Variants in PTPRO observed in about 807,000 individuals in gnomAD.
PTPRO encodes protein tyrosine phosphatase receptor type O, also known as receptor-type tyrosine-protein phosphatase O.
In PTPRO, 62 loss-of-function variants were observed where a neutral mutation model predicts 145.2. The ratio of observed to expected loss-of-function variants is 0.43; its 90% CI spans 0.35 to 0.53. PTPRO has a LOEUF of 0.53. Ranked by LOEUF, PTPRO falls within the 20% of genes least tolerant of loss-of-function variation. The pLI, the probability that PTPRO is intolerant of heterozygous loss-of-function variation, is 0.01. For synonymous variants in PTPRO, 565 were observed against 514.7 expected, an observed-to-expected ratio of 1.10 and a Z score of -1.32; for missense variants, 1,345 against 1,482.7, an observed-to-expected ratio of 0.91 and a Z score of 1.53.
At chr12:15,353,075 T>C (rs1278474580) in intron 1 of PTPRO, among the ~76,000 whole-genome samples, 1 of 152,196 alleles carries the variant, frequency 6.6e-6, no homozygotes, top group African/African-American at 2.4e-5. Context: ...TACCAGTGAG[T>C]GTTTCCTCAC....
At chr12:15,402,741 A>G (rs1039201470) in intron 1 of PTPRO, among the ~76,000 whole-genome samples, 1 of 152,226 alleles carries the variant, frequency 6.6e-6, no homozygotes, top group African/African-American at 2.4e-5. Context: ...AAGCAGTACT[A>G]TAATGCTTTA....
intron 1 of PTPRO, among the ~76,000 whole-genome samples, chr12:15,374,041 A>G (rs985714883): frequency 6.6e-6 from 1 of 152,232 alleles, no homozygotes; most frequent in Non-Finnish European, 1.5e-5. Flanking sequence ...AACATGCCTA[A>G]TAAGTAGAGA....
rs568208532 is a variant in PTPRO at position 15,571,808 on chromosome 12, G to A, written c.2829+2310G>A. Among the ~76,000 whole-genome samples, 4 of 152,284 alleles carry A rather than the reference G, an allele frequency of 2.6e-5. No individual in the cohort carries two copies. In the South Asian group the frequency reaches 6.2e-4, roughly 24 times the overall value. On this transcript the variant is annotated intron_variant, in intron 19 of 26. Coordinates refer to ENST00000281171, the MANE Select transcript of PTPRO (RefSeq NM_030667.3). Reference sequence around the variant, plus strand: ...AGAATCTCTAAATGGAACCATGTGGGCTCAAGTAGCAAAACCTAAGAAGGG... The same window carrying A: ...AGAATCTCTAAATGGAACCATGTGGACTCAAGTAGCAAAACCTAAGAAGGG...
chr12:15,582,918 G>C (rs1358867779), intron 23 of PTPRO, among the ~76,000 whole-genome samples: 1 of 152,158 alleles, frequency 6.6e-6, no homozygotes, highest in African/African-American at 2.4e-5. Flanking sequence ...TCTGTGACAG[G>C]CTTAGGTGTT....
rs1330519659 is a variant in PTPRO, at chr12:15,581,760, G to A, written c.3214G>A (p.Glu1072Lys). 1.2e-6 allele frequency: 2 copies of A among 1,614,060 alleles called. No individual in the cohort carries two copies. The highest frequency in any genetic ancestry group is 2.2e-5 in the East Asian group (1 of 44,842). ...DITVEMISEEEQDDWACRHFR... is the reference protein window; with the variant it reads ...DITVEMISEEKQDDWACRHFR... ...CACTGTGGAGATGATTTCAGAGGAA[G>A]AGCAGGACGACTGGGCCTGTAGACA... The change falls in exon 23 of 27, where the codon GAG becomes AAG. Residue 1072 changes from glutamate to lysine, a missense_variant. This residue lies in a region of PTPRO where 208 missense variants were observed against 242.8 expected (regional missense o/e 0.86). Coordinates refer to ENST00000281171, the MANE Select transcript of PTPRO (RefSeq NM_030667.3).
At chr12:15,324,777 T>C (rs1437859288) in intron 1 of PTPRO, among the ~76,000 whole-genome samples, 2 of 152,220 alleles carry the variant, frequency 1.3e-5, no homozygotes, top group Non-Finnish European at 2.9e-5. Flanking sequence ...ACATACGTTA[T>C]TTCATTTAAT....
intron 1 of PTPRO, among the ~76,000 whole-genome samples, chr12:15,418,033 C>G (rs764880829): frequency 3.3e-5 from 5 of 151,696 alleles, no homozygotes; most frequent in Non-Finnish European, 7.4e-5. Context: ...ACATAAGAAG[C>G]TTGTGCCAAA....
At chr12:15,544,222 G>A (rs181891285) in intron 12 of PTPRO, among the ~76,000 whole-genome samples, 4 of 152,188 alleles carry the variant, frequency 2.6e-5, no homozygotes, top group South Asian at 4.2e-4. Context: ...AGGAGGCCGG[G>A]GGTGGTGGCT....
chr12:15,430,282 G>A (rs1439255917), intron 1 of PTPRO, among the ~76,000 whole-genome samples: 4 of 152,086 alleles, frequency 2.6e-5, no homozygotes, highest in Admixed American at 2.0e-4. Context: ...GAAGAAGGGT[G>A]GCAGAAGGCA....
At chr12:15,331,722 G>A (rs1364088394) in intron 1 of PTPRO, among the ~76,000 whole-genome samples, 2 of 152,180 alleles carry the variant, frequency 1.3e-5, no homozygotes, top group African/African-American at 4.8e-5. Flanking sequence ...ACAGTACACT[G>A]GAGAGGCTGG....
chr12:15,545,341 A>G (rs542012732), intron 12 of PTPRO, among the ~76,000 whole-genome samples: 68 of 151,948 alleles, frequency 4.5e-4, no homozygotes, highest in African/African-American at 1.5e-3. Context: ...GCAGCAAGGT[A>G]CAATATGTCC....
chr12:15,546,769 A>G, intron 13 of PTPRO, 61 bp downstream of exon 13: 1 of 1,585,100 alleles, frequency 6.3e-7, no homozygotes, highest in Admixed American at 1.7e-5. Flanking sequence ...TTATCTGGGC[A>G]AAATAAGAAT....
chr12:15,347,078 C>A (rs1867246275), intron 1 of PTPRO, among the ~76,000 whole-genome samples: 2 of 152,240 alleles, frequency 1.3e-5, no homozygotes, highest in South Asian at 4.2e-4. Flanking sequence ...CCTCATCCTC[C>A]AGGTCTCAGC....
At chr12:15,499,267 T>C (rs1942169639) in intron 3 of PTPRO, among the ~76,000 whole-genome samples, 175 bp from the exon 4 acceptor site, 1 of 152,200 alleles carries the variant, frequency 6.6e-6, no homozygotes, top group Non-Finnish European at 1.5e-5. Flanking sequence ...CAGGATTGAG[T>C]CTAGACATTC....
chr12:15,457,363 T>C (rs1941203693), intron 1 of PTPRO, among the ~76,000 whole-genome samples: 1 of 152,204 alleles, frequency 6.6e-6, no homozygotes, highest in Non-Finnish European at 1.5e-5. Flanking sequence ...TATTCATGTA[T>C]CCTATTAGTT....
intron 1 of PTPRO, among the ~76,000 whole-genome samples, chr12:15,398,864 A>G (rs755667125): frequency 3.0e-4 from 45 of 152,172 alleles, no homozygotes; most frequent in Admixed American, 4.6e-4. Context: ...ATCAAAACCC[A>G]GTTTTCTTAG....
intron 1 of PTPRO, among the ~76,000 whole-genome samples, chr12:15,400,227 G>A (rs190724208): frequency 9.2e-5 from 14 of 151,784 alleles, no homozygotes; most frequent in Admixed American, 9.2e-4. Flanking sequence ...CTGACCTCAG[G>A]TGATCCACCC....
Position 15,525,559 on chromosome 12 carries a change from C to G in PTPRO, c.2044-583C>G, listed in dbSNP as rs557211347. Among the ~76,000 whole-genome samples the G allele has an allele frequency of 5.9e-5, 9 of 152,264 alleles. No individual in the cohort carries two copies. The South Asian group carries it at 1.5e-3, about 25-fold the overall frequency. On this transcript the variant is annotated intron_variant, in intron 11 of 26. Transcript: ENST00000281171. The stretch of plus-strand genomic sequence containing the variant: ...ATAGTCCTTGTCTCTAGAGAGGAAG[C>G]TTTATCACCATTACATGCATGTTCC...
chr12:15,581,539 A>G, intron 22 of PTPRO, 140 bp from the exon 23 acceptor site: 1 of 883,066 alleles, frequency 1.1e-6, no homozygotes, highest in Non-Finnish European at 1.7e-6. Context: ...ACGTAGCAGA[A>G]ATGGTTTGCT....
Sources: allele counts gnomAD v4.1 joint callset (sites outside exome capture counted in the v4.1 genomes callset), GRCh38; gene constraint gnomAD v4.1.1; regional missense constraint gnomAD v4.1.1; transcripts MANE v1.5; gene names NCBI Gene and HGNC (gene_info 2026-07-23, HGNC 2026-07-21).